The following DPRX variants were observed in gnomAD, a reference collection of about 807,000 sequenced individuals.
DPRX encodes divergent paired-related homeobox.
Under a neutral mutation model 8.4 loss-of-function variants are expected in DPRX, and 11 were observed. The ratio of observed to expected loss-of-function variants is 1.31; its 90% CI spans 0.82 to 2.17. The LOEUF (loss-of-function observed/expected upper bound fraction) is 2.17. Ranked by LOEUF, DPRX falls within the 30% of genes most tolerant of loss-of-function variation. The probability of loss-of-function intolerance (pLI) is 0.00; values close to 1 mark genes in which losing one functional copy is unlikely to be tolerated. For synonymous variants in DPRX, 72 were observed against 87.0 expected, an observed-to-expected ratio of 0.83 and a Z score of 0.96; for missense variants, 211 against 236.7, an observed-to-expected ratio of 0.89 and a Z score of 0.71.
At chr19:53,621,081 T>G in the DPRX span, among the ~76,000 whole-genome samples, 1 of 152,204 alleles carries the variant, frequency 6.6e-6, no homozygotes, top group Admixed American at 6.6e-5. Flanking sequence ...TATGGACATC[T>G]GCTACTGAAC....
chr19:53,617,758 A>C, the DPRX span, among the ~76,000 whole-genome samples: 1 of 152,046 alleles, frequency 6.6e-6, no homozygotes, highest in Admixed American at 6.6e-5. Flanking sequence ...TAAAGAGACA[A>C]ATTTATCACA....
chr19:53,607,334 G>A, the DPRX span, among the ~76,000 whole-genome samples: 13 of 152,082 alleles, frequency 8.5e-5, no homozygotes, highest in African/African-American at 2.9e-4. Context: ...TGAGTCAGGT[G>A]GATCACTTGA....
At chr19:53,615,638 T>C in the DPRX span, among the ~76,000 whole-genome samples, 1 of 152,154 alleles carries the variant, frequency 6.6e-6, no homozygotes, top group Admixed American at 6.6e-5. Flanking sequence ...CCTGCTATTA[T>C]GTTATGGGAA....
chr19:53,626,468 C>T, the DPRX span, among the ~76,000 whole-genome samples: 5 of 152,142 alleles, frequency 3.3e-5, no homozygotes, highest in African/African-American at 1.2e-4. Context: ...GGAGGCTGAT[C>T]GCTTGAGCCC....
At chr19:53,602,308 G>GTT in the DPRX span, 1 of 314,212 alleles carries the variant, frequency 3.2e-6, no homozygotes, top group African/African-American at 2.3e-5. Context: ...GTGTGTGTGT[G>GTT]TGTGCCAGCC....
At chr19:53,620,660 C>T in the DPRX span, among the ~76,000 whole-genome samples, 2 of 151,906 alleles carry the variant, frequency 1.3e-5, no homozygotes, top group East Asian at 1.9e-4. Context: ...CCACCCCGCC[C>T]GGGGCAAAGC....
upstream of DPRX, among the ~76,000 whole-genome samples, chr19:53,631,410 C>A (rs1169686340): frequency 1.3e-5 from 2 of 152,066 alleles, no homozygotes; most frequent in African/African-American, 4.8e-5. Flanking sequence ...TGCCTGAAAG[C>A]CCCTTTAGGG....
chr19:53,621,839 G>C, the DPRX span, among the ~76,000 whole-genome samples: 1 of 152,086 alleles, frequency 6.6e-6, no homozygotes, highest in South Asian at 2.1e-4. Context: ...CACATTCTTA[G>C]GCACGCATTT....
At chr19:53,611,713 T>A in the DPRX span, among the ~76,000 whole-genome samples, 1 of 152,138 alleles carries the variant, frequency 6.6e-6, no homozygotes. Flanking sequence ...GAATAGTGAG[T>A]GAGTTCCAAA....
At chr19:53,624,691 A>G in the DPRX span, among the ~76,000 whole-genome samples, 1 of 151,980 alleles carries the variant, frequency 6.6e-6, no homozygotes, top group Non-Finnish European at 1.5e-5. Context: ...CTGGGATTAC[A>G]AGGATGTTAG....
At chr19:53,628,836 G>T (rs145155215), upstream of DPRX, among the ~76,000 whole-genome samples, 1 of 151,386 alleles carries the variant, frequency 6.6e-6, no homozygotes, top group Non-Finnish European at 1.5e-5. Context: ...TGATCCACCC[G>T]CCTCGGCCTC....
chr19:53,601,867 G>A, the DPRX span: 2 of 369,414 alleles, frequency 5.4e-6, no homozygotes, highest in South Asian at 2.0e-5. Context: ...GCTGGAGGGG[G>A]TGTCCATGAA....
chr19:53,635,625 C>T lies in DPRX; in HGVS notation c.183+940C>T, dbSNP rs536091734. ...CAAACTCCTGAAATCAAGTGATCCA[C>T]CCACCTCAGCCTCCCAGAGTCCTGG... On this transcript the variant is annotated intron_variant, in intron 2 of 2. Transcript: ENST00000376650. Among the ~76,000 whole-genome samples, 11 of 152,274 alleles carry T rather than the reference C, an allele frequency of 7.2e-5. No homozygotes were observed. In the East Asian group the frequency reaches 2.1e-3, roughly 29 times the overall value.
chr19:53,635,636 C>T (rs554200237), intron 2 of DPRX, among the ~76,000 whole-genome samples: 1 of 152,272 alleles, frequency 6.6e-6, no homozygotes, highest in Admixed American at 6.5e-5. Context: ...CCACCTCAGC[C>T]TCCCAGAGTC....
chr19:53,620,305 A>G, the DPRX span, among the ~76,000 whole-genome samples: 39 of 151,792 alleles, frequency 2.6e-4, no homozygotes, highest in South Asian at 2.5e-3. Flanking sequence ...TCCTGACCTC[A>G]TGATCCGCCC....
the DPRX span, among the ~76,000 whole-genome samples, chr19:53,605,185 A>G: frequency 6.6e-6 from 1 of 152,112 alleles, no homozygotes; most frequent in African/African-American, 2.4e-5. Flanking sequence ...GCCACTGTAC[A>G]CTGGCATGGG....
upstream of DPRX, among the ~76,000 whole-genome samples, chr19:53,629,068 C>A (rs1475424358): frequency 6.6e-6 from 1 of 151,218 alleles, no homozygotes; most frequent in African/African-American, 2.4e-5. Context: ...AATCTCAGCA[C>A]TTTGGGAGGC....
At chr19:53,628,037 TA>T (rs1392970421), upstream of DPRX, among the ~76,000 whole-genome samples, 1 of 151,284 alleles carries the variant, frequency 6.6e-6, no homozygotes, top group Non-Finnish European at 1.5e-5. Context: ...ATCTCAAAAA[TA>T]AAAAAAAATT....
chr19:53,624,841 A>AG, the DPRX span, among the ~76,000 whole-genome samples: 6 of 142,392 alleles, frequency 4.2e-5, no homozygotes, highest in East Asian at 4.1e-4. Flanking sequence ...AAAAAAAAAA[A>AG]AAAGAAAGAA....
Sources: allele counts gnomAD v4.1 joint callset (sites outside exome capture counted in the v4.1 genomes callset), GRCh38; gene constraint gnomAD v4.1.1; transcripts MANE v1.5; gene names NCBI Gene and HGNC (gene_info 2026-07-23, HGNC 2026-07-21).